Variants in ZDHHC14 observed in about 807,000 individuals in gnomAD.
ZDHHC14 encodes palmitoyltransferase ZDHHC14.
ZDHHC14 carries 16 observed loss-of-function variants against 47.7 expected under a neutral mutation model. That is an observed-to-expected ratio of 0.34 (90% CI 0.23 to 0.51). The LOEUF (loss-of-function observed/expected upper bound fraction) is 0.51. Among genes scored for constraint, ZDHHC14 ranks in the 20% least tolerant of loss-of-function variants. The pLI is 0.97. For synonymous variants in ZDHHC14, 293 were observed against 278.9 expected, an observed-to-expected ratio of 1.05 and a Z score of -0.50; for missense variants, 515 against 662.5, an observed-to-expected ratio of 0.78 and a Z score of 2.44.
intron 1 of ZDHHC14, among the ~76,000 whole-genome samples, chr6:157,398,307 G>C (rs953003231): frequency 2.0e-5 from 3 of 152,190 alleles, no homozygotes; most frequent in African/African-American, 4.8e-5. Flanking sequence ...GAACCTGGCA[G>C]GGTCAGGGCA....
In ZDHHC14 at chr6:157,489,403, G is replaced by GT. The variant is rs572546715; in HGVS notation, c.246-53176dup. On this transcript the variant is annotated intron_variant, in intron 1 of 8. Coordinates refer to ENST00000359775, the MANE Select transcript of ZDHHC14 (RefSeq NM_024630.3). ...TGAAATCTGCAAGAAAAATGGACAG[G>GT]TTTTTTAAAACACCTTTTTATTCTT... Among the ~76,000 whole-genome samples, 443 of 151,386 alleles carry GT rather than the reference G, an allele frequency of 2.9e-3. 3 individuals carry two copies. The highest frequency in any genetic ancestry group is 0.014 in the Middle Eastern group (4 of 290).
chr6:157,530,150 A>G (rs911995381), intron 1 of ZDHHC14, among the ~76,000 whole-genome samples: 1 of 152,220 alleles, frequency 6.6e-6, no homozygotes, highest in Admixed American at 6.5e-5. Context: ...TGTGTATGAA[A>G]CAGTAACAGG....
chr6:157,525,142 T>C (rs896919623), intron 1 of ZDHHC14, among the ~76,000 whole-genome samples: 8 of 152,074 alleles, frequency 5.3e-5, no homozygotes, highest in Admixed American at 2.6e-4. Flanking sequence ...AGCCTCTCCA[T>C]AGGGCTGGGA....
chr6:157,609,168 T>G (rs1784660820), intron 3 of ZDHHC14, among the ~76,000 whole-genome samples: 1 of 152,180 alleles, frequency 6.6e-6, no homozygotes, highest in Non-Finnish European at 1.5e-5. Flanking sequence ...GGTCCAGAAG[T>G]TGATCTGTGG....
chr6:157,494,075 T>C (rs1203453903), intron 1 of ZDHHC14, among the ~76,000 whole-genome samples: 4 of 152,250 alleles, frequency 2.6e-5, no homozygotes, highest in Non-Finnish European at 5.9e-5. Flanking sequence ...CTGGCTTGGC[T>C]CTGGCTTTTG....
At chr6:157,616,431 G>C (rs1784965802) in intron 3 of ZDHHC14, among the ~76,000 whole-genome samples, 1 of 152,162 alleles carries the variant, frequency 6.6e-6, no homozygotes, top group Non-Finnish European at 1.5e-5. Context: ...GAGGGCCCGT[G>C]GGACAATTAG....
chr6:157,484,925 C>T (rs1182700864), intron 1 of ZDHHC14, among the ~76,000 whole-genome samples: 1 of 152,008 alleles, frequency 6.6e-6, no homozygotes, highest in Non-Finnish European at 1.5e-5. Context: ...TGGTGAAACC[C>T]CATCTCTACT....
intron 1 of ZDHHC14, among the ~76,000 whole-genome samples, chr6:157,541,473 G>A (rs1251239136): frequency 6.6e-6 from 1 of 152,152 alleles, no homozygotes; most frequent in Non-Finnish European, 1.5e-5. Context: ...GAGCAGAGCT[G>A]AGCTTCCCAA....
intron 1 of ZDHHC14, among the ~76,000 whole-genome samples, chr6:157,393,601 C>T (rs1562407709): frequency 1.3e-5 from 2 of 152,168 alleles, no homozygotes. Context: ...ATGTGTGTTC[C>T]TGGCAACTTC....
rs892423697 is a variant in ZDHHC14 at position 157,677,907 on chromosome 6, G to A, written c.*4785G>A. The A allele has an allele frequency of 1.3e-5, 2 of 149,510 alleles. No individual in the cohort carries two copies. Among genetic ancestry groups the A allele is most frequent in the Non-Finnish European group, 3.0e-5 (2 of 67,722 alleles). 9.3% of individuals were successfully genotyped at this position (149,510 alleles called of 1,614,324 possible). On this transcript the variant is annotated 3_prime_UTR_variant, in exon 9 of 9. Coordinates refer to ENST00000359775, the MANE Select transcript of ZDHHC14 (RefSeq NM_024630.3). ...CTAACTTTTTCCCAGAGCATTCTGGGTTGATATTTCACAGTCAAACGTTTT... is the reference window on the plus strand; with the variant it reads ...CTAACTTTTTCCCAGAGCATTCTGGATTGATATTTCACAGTCAAACGTTTT...
At chr6:157,560,619 T>C (rs1782671387) in intron 2 of ZDHHC14, among the ~76,000 whole-genome samples, 1 of 152,224 alleles carries the variant, frequency 6.6e-6, no homozygotes, top group Non-Finnish European at 1.5e-5. Flanking sequence ...TTTCTGATAT[T>C]CCCTATGATG....
At chr6:157,664,686 C>T (rs1479173094) in intron 8 of ZDHHC14, among the ~76,000 whole-genome samples, 1 of 152,174 alleles carries the variant, frequency 6.6e-6, no homozygotes, top group Non-Finnish European at 1.5e-5. Context: ...CTTTGGGATC[C>T]CGGGGATGTG....
At chr6:157,615,873 A>T (rs1023866923) in intron 3 of ZDHHC14, among the ~76,000 whole-genome samples, 4 of 152,260 alleles carry the variant, frequency 2.6e-5, no homozygotes, top group Admixed American at 6.5e-5. Context: ...GAAACTCAGT[A>T]TATAAAACAG....
Position 157,677,754 on chromosome 6 carries a change from T to G in ZDHHC14, c.*4632T>G, listed in dbSNP as rs766396459. On this transcript the variant is annotated 3_prime_UTR_variant, in exon 9 of 9. Coordinates refer to ENST00000359775, the MANE Select transcript of ZDHHC14 (RefSeq NM_024630.3). Reference sequence around the variant, plus strand: ...CAACTCTCTTACTTGCCCTCGATGTTTCAAGATGCCTGGTGAAACCGAGAG... The same window carrying G: ...CAACTCTCTTACTTGCCCTCGATGTGTCAAGATGCCTGGTGAAACCGAGAG... 6.6e-6 allele frequency: 1 copy of G among 152,058 alleles called. No homozygotes were observed. Among genetic ancestry groups the G allele is most frequent in the Non-Finnish European group, 1.5e-5 (1 of 68,014 alleles). 9.4% of individuals were successfully genotyped at this position (152,058 alleles called of 1,614,324 possible). A position where few individuals can be genotyped will look rare whatever the true frequency, so the allele number is the denominator to read the frequency against.
intron 2 of ZDHHC14, among the ~76,000 whole-genome samples, chr6:157,576,853 G>A (rs1054751282): frequency 2.0e-5 from 3 of 152,294 alleles, no homozygotes; most frequent in East Asian, 3.9e-4. Context: ...CGAATCCTTC[G>A]GTAAGGAAAG....
At chr6:157,454,649 G>A (rs9406298) in intron 1 of ZDHHC14, among the ~76,000 whole-genome samples, 33,462 of 151,920 alleles carry the variant, frequency 0.22, 4,000 homozygotes, top group African/African-American at 0.28. Context: ...GATTACAAGC[G>A]TGAGCCATGG....
intron 1 of ZDHHC14, among the ~76,000 whole-genome samples, chr6:157,388,529 A>C (rs1240190682): frequency 6.6e-6 from 1 of 152,214 alleles, no homozygotes; most frequent in Non-Finnish European, 1.5e-5. Flanking sequence ...AAAGTGAAAA[A>C]CAGTGGTGAT....
chr6:157,535,509 G>A (rs1374280455), intron 1 of ZDHHC14, among the ~76,000 whole-genome samples: 1 of 152,218 alleles, frequency 6.6e-6, no homozygotes, highest in Non-Finnish European at 1.5e-5. Flanking sequence ...GGTATGTGGA[G>A]TTCTACTGTC....
At chr6:157,566,218 A>G (rs2114849116) in intron 2 of ZDHHC14, among the ~76,000 whole-genome samples, 1 of 148,892 alleles carries the variant, frequency 6.7e-6, no homozygotes, top group African/African-American at 2.5e-5. Flanking sequence ...AAGGAGAAAG[A>G]AGGAAAAGCT....
Sources: allele counts gnomAD v4.1 joint callset (sites outside exome capture counted in the v4.1 genomes callset), GRCh38; gene constraint gnomAD v4.1.1; transcripts MANE v1.5; gene names NCBI Gene and HGNC (gene_info 2026-07-23, HGNC 2026-07-21).